Variants in PASD1 observed in about 807,000 individuals in gnomAD.
PASD1 encodes circadian clock protein PASD1.
A neutral mutation model predicts 58.8 loss-of-function variants in PASD1; 13 were observed. The ratio of observed to expected loss-of-function variants is 0.22; its 90% CI spans 0.14 to 0.35. PASD1 has a LOEUF of 0.35. Among genes scored for constraint, PASD1 ranks in the 10% least tolerant of loss-of-function variants. The pLI is 1.00. For missense variants in PASD1, 734 were observed against 568.3 expected, an observed-to-expected ratio of 1.29 and a Z score of -2.96; for synonymous variants, 236 against 216.7, an observed-to-expected ratio of 1.09 and a Z score of -0.78.
intron 8 of PASD1, among the ~76,000 whole-genome samples, chrX:151,626,210 T>C (rs1602940132): frequency 8.9e-6 from 1 of 112,059 alleles, no homozygotes; most frequent in Admixed American, 9.5e-5. Flanking sequence ...TAGACACTTT[T>C]AAATGGTAGA....
chrX:151,676,422 G>A lies in PASD1; in HGVS notation c.*279G>A, dbSNP rs986107507. 3 of 262,133 alleles carry A rather than the reference G, an allele frequency of 1.1e-5. No homozygotes were observed. In the South Asian group the frequency reaches 6.9e-4, roughly 60 times the overall value. 21.6% of individuals were successfully genotyped at this position (262,133 alleles called of 1,213,427 possible). On this transcript the variant is annotated 3_prime_UTR_variant, in exon 16 of 16. Coordinates refer to ENST00000370357, the MANE Select transcript of PASD1 (RefSeq NM_173493.3). Reference sequence around the variant, plus strand: ...TCTGATGTCTTGTCTGCCCCGCCCAGCTTTGCATATCCATGTTCTACCACA... The same window carrying A: ...TCTGATGTCTTGTCTGCCCCGCCCAACTTTGCATATCCATGTTCTACCACA...
chrX:151,592,665 C>G (rs191263286), intron 1 of PASD1, among the ~76,000 whole-genome samples: 45 of 111,344 alleles, frequency 4.0e-4, no homozygotes, highest in Non-Finnish European at 6.8e-4. Context: ...CATTTAACTT[C>G]CAAATATTTG....
intron 8 of PASD1, among the ~76,000 whole-genome samples, chrX:151,637,614 G>T (rs1322493871): frequency 9.0e-6 from 1 of 111,102 alleles, no homozygotes; most frequent in African/African-American, 3.3e-5. Flanking sequence ...TGATCTGCCC[G>T]CCTCGGCCTC....
At chrX:151,565,540 CT>C (rs1313226540) in intron 1 of PASD1, among the ~76,000 whole-genome samples, 1 of 100,841 alleles carries the variant, frequency 9.9e-6, no homozygotes, top group African/African-American at 3.7e-5. Context: ...AAGTGGCTTT[CT>C]TTTTTCTTTT....
rs142878634 is a variant in PASD1 at position 151,632,060 on chromosome X, G to A, written c.629+6530G>A. Among the ~76,000 whole-genome samples, 402 of 111,031 alleles carry A rather than the reference G, an allele frequency of 3.6e-3. 4 individuals are homozygous for A. The highest frequency in any genetic ancestry group is 0.011 in the African/African-American group (350 of 30,616). ...TTCGTGGTCATTACATTCTGGTGGA[G>A]GAGAAAGATAATAAACAAGTCAATA... is the stretch of plus-strand genomic sequence containing the variant. On this transcript the variant is annotated intron_variant, in intron 8 of 15. Transcript: ENST00000370357.
chrX:151,577,811 C>G (rs2013032252), intron 1 of PASD1, among the ~76,000 whole-genome samples: 2 of 112,030 alleles, frequency 1.8e-5, no homozygotes, highest in African/African-American at 6.5e-5. Context: ...TAGGCGTGAG[C>G]CACTGCGCCC....
At chrX:151,643,630 C>T (rs1230258285) in intron 8 of PASD1, among the ~76,000 whole-genome samples, 3 of 111,336 alleles carry the variant, frequency 2.7e-5, no homozygotes, top group Non-Finnish European at 3.8e-5. Flanking sequence ...GCATATTGGA[C>T]GTGTGACATG....
intron 1 of PASD1, among the ~76,000 whole-genome samples, chrX:151,568,241 T>C (rs1029312778): frequency 8.9e-6 from 1 of 112,117 alleles, no homozygotes. Flanking sequence ...GTGTGTGTGT[T>C]CTGACTTGAG....
rs757719659 is a variant in PASD1, at chrX:151,667,236, G to T, written c.1071+2888G>T. Among the ~76,000 whole-genome samples the T allele has an allele frequency of 8.1e-5, 9 of 111,661 alleles. No homozygotes were observed. In the East Asian group the frequency reaches 2.3e-3, roughly 28 times the overall value. On this transcript the variant is annotated intron_variant, in intron 11 of 15. Coordinates refer to ENST00000370357, the MANE Select transcript of PASD1 (RefSeq NM_173493.3). ...CGCCCACTTGTTGATGGGGTTGTTT[G>T]TTTCTTGTCAATTTGTTTGAGTTCA... is the stretch of plus-strand genomic sequence containing the variant.
intron 8 of PASD1, among the ~76,000 whole-genome samples, chrX:151,640,017 G>A (rs1027851346): frequency 9.0e-6 from 1 of 111,689 alleles, no homozygotes; most frequent in Admixed American, 9.5e-5. Context: ...GGACTCGACT[G>A]GTCTCTTGTT....
At chrX:151,653,863 C>T (rs866981895) in intron 9 of PASD1, among the ~76,000 whole-genome samples, 36 of 26,536 alleles carry the variant, frequency 1.4e-3, no homozygotes, top group African/African-American at 3.5e-3. Context: ...TCCCTCCCTC[C>T]CTCCCTCTTT....
At chrX:151,665,647 A>G (rs776649837) in intron 11 of PASD1, among the ~76,000 whole-genome samples, 49 of 111,898 alleles carry the variant, frequency 4.4e-4, no homozygotes, top group Admixed American at 2.6e-3. Context: ...GGATCAAGGA[A>G]GCAGTCTGAC....
At chrX:151,603,146 A>G (rs1455665837) in intron 2 of PASD1, among the ~76,000 whole-genome samples, 4 of 112,905 alleles carry the variant, frequency 3.5e-5, no homozygotes, top group African/African-American at 1.3e-4. Context: ...TCTGTAAGAT[A>G]CAAAAGAACA....
chrX:151,671,275 C>T, intron 12 of PASD1, 79 bp downstream of exon 12: 1 of 1,106,911 alleles, frequency 9.0e-7, no homozygotes, highest in Non-Finnish European at 1.2e-6. Flanking sequence ...GGGACCTTGG[C>T]AAGCCTTAAG....
At chrX:151,604,775 T>A (rs781254696) in intron 3 of PASD1, 41 bp downstream of exon 3, 1 of 997,307 alleles carries the variant, frequency 1.0e-6, no homozygotes, top group Non-Finnish European at 1.4e-6. Context: ...ATATGTTGAA[T>A]ACATGTAATA....
chrX:151,655,359 G>GTA (rs2014225892), intron 9 of PASD1, among the ~76,000 whole-genome samples: 1 of 105,509 alleles, frequency 9.5e-6, no homozygotes, highest in Non-Finnish European at 2.0e-5. Flanking sequence ...AATCCTTTGG[G>GTA]TATATACCCA....
chrX:151,671,602 C>T lies in PASD1; in HGVS notation c.1260C>T (p.Val420=). Residue 420 remains valine (V), a synonymous_variant, in exon 13 of 16, where the codon GTC becomes GTT. Transcript: ENST00000370357. Reference sequence around the variant, plus strand: ...AGCCAAACACATTACGCCACGTTGTCATTCCTGATCTCCAATCTTCGGAGG... The same window carrying T: ...AGCCAAACACATTACGCCACGTTGTTATTCCTGATCTCCAATCTTCGGAGG... ...QKQPNTLRHV[V]IPDLQSSEAV... 8.3e-7 allele frequency: 1 copy of T among 1,211,451 alleles called. No homozygotes were observed. Among genetic ancestry groups the T allele is most frequent in the Non-Finnish European group, 1.1e-6 (1 of 895,509 alleles).
chrX:151,664,338 C>A lies in PASD1; in HGVS notation c.1061C>A (p.Ala354Glu). 1 of 1,212,032 alleles carries A rather than the reference C, an allele frequency of 8.3e-7. No homozygotes were observed. The highest frequency in any genetic ancestry group is 1.1e-6 in the Non-Finnish European group (1 of 895,541). ...TCAGTGGACCTGGGGGCTGCTGGCG[C>A]AAGTGCTCAGGTACTCTGAAAGTCT... is the stretch of plus-strand genomic sequence containing the variant. Reference protein sequence around the residue: ...EDSVDLGAAGASAQPLQPSSP... With the variant: ...EDSVDLGAAGESAQPLQPSSP... Residue 354 changes from alanine (A) to glutamate (E), a missense_variant, in exon 11 of 16, where the codon GCA becomes GAA. Ala to Glu is a moderately radical substitution (Grantham distance 107). Coordinates refer to ENST00000370357, the MANE Select transcript of PASD1 (RefSeq NM_173493.3).
chrX:151,656,220 G>A (rs1313867440), intron 9 of PASD1, among the ~76,000 whole-genome samples: 1 of 111,556 alleles, frequency 9.0e-6, no homozygotes, highest in Non-Finnish European at 1.9e-5. Flanking sequence ...CTATATCTCT[G>A]TTTTGGTACC....
Sources: allele counts gnomAD v4.1 joint callset (sites outside exome capture counted in the v4.1 genomes callset), GRCh38; gene constraint gnomAD v4.1.1; transcripts MANE v1.5; gene names NCBI Gene and HGNC (gene_info 2026-07-23, HGNC 2026-07-21).